The following DROSHA variants were observed in gnomAD, a reference collection of about 807,000 sequenced individuals.
DROSHA encodes drosha ribonuclease III, also known as ribonuclease 3.
In DROSHA, 56 loss-of-function variants were observed where a neutral mutation model predicts 181.9. That is an observed-to-expected ratio of 0.31 (90% CI 0.25 to 0.38). DROSHA has a LOEUF of 0.38. Ranked by LOEUF, DROSHA falls within the 10% of genes least tolerant of loss-of-function variation. DROSHA has a pLI of 1.00. For synonymous variants in DROSHA, 524 were observed against 591.2 expected, an observed-to-expected ratio of 0.89 and a Z score of 1.65; for missense variants, 1,218 against 1,743.5, an observed-to-expected ratio of 0.70 and a Z score of 5.37.
intron 11 of DROSHA, 57 bp downstream of exon 11, chr5:31,504,498 C>T: frequency 6.4e-7 from 1 of 1,563,244 alleles, no homozygotes; most frequent in African/African-American, 1.3e-5. Flanking sequence ...ACAGCAACAA[C>T]ATCTGTCTAC....
At chr5:31,440,204 T>A (rs2150007961) in intron 23 of DROSHA, among the ~76,000 whole-genome samples, 1 of 152,302 alleles carries the variant, frequency 6.6e-6, no homozygotes, top group Middle Eastern at 3.4e-3. Context: ...CGACCCTAAG[T>A]ACTGGAGCTG....
chr5:31,519,371 A>G (rs1739619449), intron 6 of DROSHA, among the ~76,000 whole-genome samples: 1 of 152,016 alleles, frequency 6.6e-6, no homozygotes, highest in South Asian at 2.1e-4. Flanking sequence ...ATGGCATTTC[A>G]TCCTTCCTAA....
At chr5:31,517,500 C>A (rs1434312518) in intron 6 of DROSHA, among the ~76,000 whole-genome samples, 2 of 152,124 alleles carry the variant, frequency 1.3e-5, no homozygotes, top group East Asian at 1.9e-4. Flanking sequence ...AAATGGCTCA[C>A]CAATTGCCAG....
At chr5:31,451,298 C>T (rs1258588779) in intron 21 of DROSHA, among the ~76,000 whole-genome samples, 2 of 152,176 alleles carry the variant, frequency 1.3e-5, no homozygotes, top group African/African-American at 4.8e-5. Flanking sequence ...GAATAAGGTA[C>T]TCAGAGTTGA....
chr5:31,445,624 C>T (rs1405365913), intron 23 of DROSHA, among the ~76,000 whole-genome samples: 2 of 151,862 alleles, frequency 1.3e-5, no homozygotes, highest in African/African-American at 4.8e-5. Context: ...GGGAGGCATC[C>T]CAGGAAAGCC....
chr5:31,501,534 C>T (rs1322391728), intron 11 of DROSHA, among the ~76,000 whole-genome samples: 1 of 151,956 alleles, frequency 6.6e-6, no homozygotes, highest in Non-Finnish European at 1.5e-5. Context: ...AAGTGCCACC[C>T]TTAAGGATCT....
chr5:31,493,937 T>TG (rs1554041127), intron 12 of DROSHA, among the ~76,000 whole-genome samples: 4,354 of 144,760 alleles, frequency 0.03, 130 homozygotes, highest in East Asian at 0.062. Flanking sequence ...TAACCCACCA[T>TG]TGTGTGTGTG....
At chr5:31,519,670 C>A (rs1739666153) in intron 6 of DROSHA, among the ~76,000 whole-genome samples, 1 of 152,110 alleles carries the variant, frequency 6.6e-6, no homozygotes, top group African/African-American at 2.4e-5. Context: ...GGGATGGTAT[C>A]CATCAGGTTC....
In DROSHA at chr5:31,429,489, G is replaced by T. The variant is rs757001618; in HGVS notation, c.3202C>A (p.Leu1068Ile). The change falls in exon 27 of 36, where the codon CTC (leucine) becomes ATC (isoleucine). Residue 1068 changes from leucine to isoleucine, a missense_variant. Transcript: ENST00000344624. Reference sequence around the variant, plus strand: ...CATAGAAATACCGGATCATTAAAGAGCAAGCGTCCAAATAACTGCTTGGCT... The same window carrying T: ...CATAGAAATACCGGATCATTAAAGATCAAGCGTCCAAATAACTGCTTGGCT... The part of the protein sequence containing the change: ...EEAKQLFGRL[L>I]FNDPDLREVW... 29 of 1,611,360 alleles carry T rather than the reference G, an allele frequency of 1.8e-5. No homozygotes were observed. The highest frequency in any genetic ancestry group is 2.4e-5 in the Non-Finnish European group (28 of 1,178,544).
At chr5:31,505,072 C>G (rs976042862) in intron 10 of DROSHA, among the ~76,000 whole-genome samples, 3 of 152,214 alleles carry the variant, frequency 2.0e-5, no homozygotes, top group African/African-American at 7.2e-5. Flanking sequence ...TAAGGTACCT[C>G]ACTAGCAGAG....
At chr5:31,408,643 T>C (rs981602953) in intron 33 of DROSHA, 1 of 167,080 alleles carries the variant, frequency 6.0e-6, no homozygotes, top group African/African-American at 2.4e-5. Flanking sequence ...TGCAGAGAGG[T>C]ACCCAAATAT....
At chr5:31,483,298 C>T (rs1407743302) in intron 16 of DROSHA, among the ~76,000 whole-genome samples, 2 of 152,036 alleles carry the variant, frequency 1.3e-5, no homozygotes, top group East Asian at 1.9e-4. Context: ...ATTAACACAC[C>T]CGCATGATAT....
At chr5:31,504,213 T>C (rs776468692) in intron 11 of DROSHA, among the ~76,000 whole-genome samples, 1 of 152,204 alleles carries the variant, frequency 6.6e-6, no homozygotes, top group Non-Finnish European at 1.5e-5. Context: ...AGCACTTTAC[T>C]AAGAGCGTCG....
In DROSHA at chr5:31,451,622, C is replaced by T; in HGVS notation, c.2593G>A (p.Val865Ile). ...DVCQHAMMLPVLTHHIRYHQC... is the reference protein window; with the variant it reads ...DVCQHAMMLPILTHHIRYHQC... The stretch of plus-strand genomic sequence containing the variant: ...TGGTAGCGGATATGATGGGTCAGAA[C>T]AGGTAGCATCATTGCATGCTAGGAA... Residue 865 changes from valine (V) to isoleucine (I), a missense_variant, in exon 21 of 36, where the codon GTT (valine) becomes ATT (isoleucine). Physicochemically the swap from Val to Ile is conservative, Grantham distance 29. Coordinates refer to ENST00000344624, the MANE Select transcript of DROSHA (RefSeq NM_001382508.1). The T allele has an allele frequency of 1.2e-6, 2 of 1,611,842 alleles. No homozygotes were observed. Among genetic ancestry groups the T allele is most frequent in the Non-Finnish European group, 1.7e-6 (2 of 1,178,896 alleles).
At chr5:31,490,239 A>G (rs557347059) in intron 13 of DROSHA, among the ~76,000 whole-genome samples, 1 of 148,116 alleles carries the variant, frequency 6.8e-6, no homozygotes, top group East Asian at 2.0e-4. Context: ...GCTGGAGTTC[A>G]GTGGGGCAAT....
intron 23 of DROSHA, among the ~76,000 whole-genome samples, chr5:31,444,051 C>T (rs1046321170): frequency 6.6e-6 from 1 of 152,156 alleles, no homozygotes; most frequent in Non-Finnish European, 1.5e-5. Context: ...CAAATACCAG[C>T]AGGATTTGAG....
At chr5:31,506,880 T>C (rs1738035456) in intron 10 of DROSHA, among the ~76,000 whole-genome samples, 1 of 152,180 alleles carries the variant, frequency 6.6e-6, no homozygotes, top group Middle Eastern at 3.2e-3. Context: ...AAGGCTCAAC[T>C]ATACAGAGGA....
chr5:31,508,580 TG>T (rs1163146039), intron 10 of DROSHA, 40 bp downstream of exon 10: 1 of 1,613,050 alleles, frequency 6.2e-7, no homozygotes, highest in Non-Finnish European at 8.5e-7. Flanking sequence ...CCGTTATGTC[TG>T]GGTTTGCAAC....
rs1561291712 is a variant in DROSHA, at chr5:31,521,227, T to G, written c.855-12A>C. ...CCCGTTCTCGCTCTCTTAAAGGAAT[T>G]AATACACAGAGCTGTTTTCAACAGA... On this transcript the variant is annotated splice_polypyrimidine_tract_variant and intron_variant, in intron 5 of 35. Transcript: ENST00000344624. 6.2e-7 allele frequency: 1 copy of G among 1,613,134 alleles called. No individual in the cohort carries two copies. The highest frequency in any genetic ancestry group is 1.1e-5 in the South Asian group (1 of 91,050).
Sources: allele counts gnomAD v4.1 joint callset (sites outside exome capture counted in the v4.1 genomes callset), GRCh38; gene constraint gnomAD v4.1.1; transcripts MANE v1.5; gene names NCBI Gene and HGNC (gene_info 2026-07-23, HGNC 2026-07-21).